The following LPP variants were observed in gnomAD, a reference collection of about 807,000 sequenced individuals.
LPP encodes the protein LIM domain containing preferred translocation partner in lipoma.
A neutral mutation model predicts 60.4 loss-of-function variants in LPP; 38 were observed. The ratio of observed to expected loss-of-function variants is 0.63; its 90% CI spans 0.49 to 0.83. The LOEUF (loss-of-function observed/expected upper bound fraction) is 0.83. Among genes scored for constraint, LPP ranks in the 40% least tolerant of loss-of-function variants. The pLI, the probability that LPP is intolerant of heterozygous loss-of-function variation, is 0.00. For synonymous variants in LPP, 328 were observed against 290.8 expected (o/e 1.13, Z -1.30); for missense variants, 902 against 783.6 (o/e 1.15, Z -1.80).
At chr3:188,562,989 C>T (rs570539594) in intron 6 of LPP, among the ~76,000 whole-genome samples, 4 of 151,936 alleles carry the variant, frequency 2.6e-5, no homozygotes, top group African/African-American at 7.2e-5. Context: ...AGCAGTTTGT[C>T]GAGTGGCTTT....
chr3:188,350,385 A>G (rs192550355), intron 3 of LPP, among the ~76,000 whole-genome samples: 1 of 152,328 alleles, frequency 6.6e-6, no homozygotes, highest in Non-Finnish European at 1.5e-5. Flanking sequence ...TTGATAAGAT[A>G]TTACAAGGAT....
intron 3 of LPP, among the ~76,000 whole-genome samples, chr3:188,363,115 C>T (rs1252144604): frequency 6.6e-6 from 1 of 151,778 alleles, no homozygotes; most frequent in Non-Finnish European, 1.5e-5. Flanking sequence ...AAACGTTTTG[C>T]ACAGAATCAA....
At chr3:188,196,024 G>C (rs1560101423) in intron 1 of LPP, among the ~76,000 whole-genome samples, 1 of 152,084 alleles carries the variant, frequency 6.6e-6, no homozygotes, top group Admixed American at 6.6e-5. Context: ...TTCTTGTCCG[G>C]GTCTAGAGGG....
At chr3:188,423,112 C>G (rs375307114) in intron 4 of LPP, among the ~76,000 whole-genome samples, 5 of 152,008 alleles carry the variant, frequency 3.3e-5, no homozygotes, top group East Asian at 3.9e-4. Context: ...CCCCCACCCC[C>G]TGACAGGACA....
At chr3:188,813,087 C>G (rs1751520904) in intron 9 of LPP, among the ~76,000 whole-genome samples, 1 of 152,052 alleles carries the variant, frequency 6.6e-6, no homozygotes, top group African/African-American at 2.4e-5. Flanking sequence ...GTTATTGCAG[C>G]AAATTTAGCA....
At chr3:188,394,850 G>A (rs1780534498) in intron 3 of LPP, among the ~76,000 whole-genome samples, 1 of 152,066 alleles carries the variant, frequency 6.6e-6, no homozygotes. Context: ...AATAAAAGTG[G>A]AACAACTTCC....
At chr3:188,370,353 C>G (rs191013118) in intron 3 of LPP, among the ~76,000 whole-genome samples, 1 of 152,148 alleles carries the variant, frequency 6.6e-6, no homozygotes, top group East Asian at 1.9e-4. Flanking sequence ...GGCTGGAGTT[C>G]GCACGTTGCT....
intron 5 of LPP, among the ~76,000 whole-genome samples, chr3:188,515,478 A>G (rs1817091288): frequency 6.6e-6 from 1 of 152,180 alleles, no homozygotes; most frequent in African/African-American, 2.4e-5. Context: ...CTATTGTTCT[A>G]TAGTGATGCA....
At chr3:188,345,422 C>T (rs183476198) in intron 3 of LPP, among the ~76,000 whole-genome samples, 1 of 152,124 alleles carries the variant, frequency 6.6e-6, no homozygotes, top group African/African-American at 2.4e-5. Flanking sequence ...CTCCTCCACC[C>T]GCCTCCTGCC....
intron 2 of LPP, among the ~76,000 whole-genome samples, chr3:188,252,365 T>C (rs937748389): frequency 5.7e-5 from 8 of 141,488 alleles, no homozygotes; most frequent in African/African-American, 1.9e-4. Context: ...CGTTTTTTTT[T>C]CCTCTCTCTC....
chr3:188,477,285 T>C (rs950123669), intron 4 of LPP, among the ~76,000 whole-genome samples: 3 of 152,098 alleles, frequency 2.0e-5, no homozygotes, highest in Non-Finnish European at 4.4e-5. Flanking sequence ...AGCAGGAAGT[T>C]TAAGAAGGAG....
At chr3:188,779,181 T>G (rs1323317843) in intron 9 of LPP, among the ~76,000 whole-genome samples, 1 of 152,164 alleles carries the variant, frequency 6.6e-6, no homozygotes, top group East Asian at 1.9e-4. Context: ...ATAGAAATTC[T>G]TGCAGTTTGG....
rs562447884 is a variant in LPP at position 188,283,026 on chromosome 3, AGAAGGGCCCCTGGGAACTT to A, written c.-67+57501_-67+57519del. ...TCAAATGCAGTTAACCCAGGGAACTAGAAGGGCCCCTGGGAACTTGGTTTTGGAGCATGGCTTTTATGAG... is the reference window on the plus strand; with the variant it reads ...TCAAATGCAGTTAACCCAGGGAACTAGGTTTTGGAGCATGGCTTTTATGAG... On this transcript the variant is annotated intron_variant, in intron 2 of 11. Coordinates refer to ENST00000617246, the MANE Select transcript of LPP (RefSeq NM_001375462.1). Among the ~76,000 whole-genome samples the A allele has an allele frequency of 7.9e-5, 12 of 152,306 alleles. No individual in the cohort carries two copies. In the South Asian group the frequency reaches 2.5e-3, roughly 32 times the overall value.
chr3:188,743,643 A>G (rs954719755), intron 8 of LPP: 8 of 152,126 alleles, frequency 5.3e-5, no homozygotes, highest in African/African-American at 1.9e-4. Context: ...GTGATTTGTC[A>G]TGGAATTTCA....
At chr3:188,193,178 G>A (rs115199563) in intron 1 of LPP, among the ~76,000 whole-genome samples, 16 of 152,292 alleles carry the variant, frequency 1.1e-4, no homozygotes, top group South Asian at 1.0e-3. Context: ...TGAAGATAGC[G>A]TGTTGGTTTG....
At chr3:188,345,683 G>A (rs536172603) in intron 3 of LPP, among the ~76,000 whole-genome samples, 12 of 152,282 alleles carry the variant, frequency 7.9e-5, no homozygotes, top group African/African-American at 2.2e-4. Flanking sequence ...CCTTATTCTT[G>A]TGGGGATGGG....
chr3:188,576,524 T>A (rs1183225486), intron 6 of LPP, among the ~76,000 whole-genome samples: 1 of 152,214 alleles, frequency 6.6e-6, no homozygotes, highest in African/African-American at 2.4e-5. Context: ...TATTCTGTGA[T>A]GCAGGGTTCT....
At chr3:188,546,603 G>A (rs1057188152) in intron 6 of LPP, among the ~76,000 whole-genome samples, 9 of 152,100 alleles carry the variant, frequency 5.9e-5, no homozygotes, top group African/African-American at 2.2e-4. Flanking sequence ...CGGAATCTAG[G>A]GAAGGCAGCT....
chr3:188,878,759 T>TAAAAAAAAAAAAA lies in LPP; in HGVS notation c.*4284_*4296dup, dbSNP rs11448997. 1.9e-4 allele frequency: 29 copies of TAAAAAAAAAAAAA among 153,882 alleles called. No individual in the cohort carries two copies. The highest frequency in any genetic ancestry group is 2.9e-4 in the African/African-American group (10 of 34,816). 9.5% of individuals were successfully genotyped at this position (153,882 alleles called of 1,614,324 possible). ...ATATACTCACCAAAAAGTAAAAAAG[T>TAAAAAAAAAAAAA]AAAAAAAAAAAAAAAAGAAAGAAAG... On this transcript the variant is annotated 3_prime_UTR_variant, in exon 12 of 12. Coordinates refer to ENST00000617246, the MANE Select transcript of LPP (RefSeq NM_001375462.1).
Sources: gnomAD v4.1 joint callset for allele counts (sites outside exome capture counted in the v4.1 genomes callset) on GRCh38, gnomAD v4.1.1 for gene constraint, MANE v1.5 for transcripts, NCBI Gene and HGNC (gene_info 2026-07-23, HGNC 2026-07-21) for gene names.